The following SMOC1 variants were observed in gnomAD, a reference collection of about 807,000 sequenced individuals.
The protein encoded by SMOC1 is SPARC-related modular calcium-binding protein 1.
A neutral mutation model predicts 56.3 loss-of-function variants in SMOC1; 22 were observed. The ratio of observed to expected loss-of-function variants is 0.39; its 90% confidence interval spans 0.28 to 0.56. The LOEUF is 0.56. Among genes scored for constraint, SMOC1 ranks in the 20% least tolerant of loss-of-function variants. The pLI is 0.61. For synonymous variants in SMOC1, 193 were observed against 215.0 expected, an observed-to-expected ratio of 0.90 and a Z score of 0.89; for missense variants, 509 against 565.4, an observed-to-expected ratio of 0.90 and a Z score of 1.01.
chr14:69,959,230 GCATTGTATTT>G (rs531660508), intron 3 of SMOC1, among the ~76,000 whole-genome samples: 8 of 152,154 alleles, frequency 5.3e-5, no homozygotes, highest in Non-Finnish European at 1.2e-4. Flanking sequence ...AAAAATGTCT[GCATTGTATTT>G]CATTGTATGA....
rs554318128 is a variant in SMOC1 at position 70,030,439 on chromosome 14, C to T, written c.*181C>T. ...TTGTTTTTGGTTTCATTTTAAAACA[C>T]CAATATCTAATACCACAGTGGGAAA... On this transcript the variant is annotated 3_prime_UTR_variant, in exon 12 of 12. Coordinates refer to ENST00000361956, the MANE Select transcript of SMOC1 (RefSeq NM_001034852.3). 12 of 650,080 alleles carry T rather than the reference C, an allele frequency of 1.8e-5. No individual in the cohort carries two copies. In the South Asian group the frequency reaches 2.5e-4, roughly 13 times the overall value. The allele number at this position is 650,080 out of a possible 1,614,324, so 40.3% of individuals were successfully genotyped here.
At chr14:70,025,122 G>A (rs1885876463) in intron 11 of SMOC1, among the ~76,000 whole-genome samples, 1 of 152,192 alleles carries the variant, frequency 6.6e-6, no homozygotes, top group East Asian at 1.9e-4. Flanking sequence ...GGGTGCCCAA[G>A]TATGGTTTGG....
intron 3 of SMOC1, among the ~76,000 whole-genome samples, chr14:69,965,399 A>AATAATAATAATAATAATCATAATC (rs1212605422): frequency 6.6e-6 from 1 of 150,868 alleles, no homozygotes; most frequent in South Asian, 2.1e-4. Flanking sequence ...TAATAATAAT[A>AATAATAATAATAATAATCATAATC]ATAATAAAAA....
At chr14:70,014,165 T>C (rs906012440) in intron 10 of SMOC1, among the ~76,000 whole-genome samples, 33 of 152,146 alleles carry the variant, frequency 2.2e-4, no homozygotes, top group African/African-American at 8.0e-4. Flanking sequence ...CAGCAAACAC[T>C]GGGCTAAGGA....
At chr14:69,899,936 C>A (rs2139323447) in intron 1 of SMOC1, among the ~76,000 whole-genome samples, 1 of 152,250 alleles carries the variant, frequency 6.6e-6, no homozygotes, top group African/African-American at 2.4e-5. Context: ...ATTTTGGGGG[C>A]AGTGGTTTGC....
At chr14:70,002,551 A>T (rs1269423002) in intron 7 of SMOC1, among the ~76,000 whole-genome samples, 2 of 152,178 alleles carry the variant, frequency 1.3e-5, no homozygotes, top group Admixed American at 1.3e-4. Flanking sequence ...AGGGGCTCCC[A>T]GAGCCCCTGC....
At chr14:69,913,833 G>A (rs1248158767) in intron 1 of SMOC1, among the ~76,000 whole-genome samples, 2 of 152,192 alleles carry the variant, frequency 1.3e-5, no homozygotes, top group African/African-American at 2.4e-5. Flanking sequence ...AGAGTCCTAG[G>A]AATGACATGA....
At chr14:69,919,959 T>C (rs991776310) in intron 1 of SMOC1, among the ~76,000 whole-genome samples, 1 of 141,338 alleles carries the variant, frequency 7.1e-6, no homozygotes, top group Non-Finnish European at 1.5e-5. Context: ...GCACATACAT[T>C]GCATCTTAAC....
chr14:70,007,466 C>G (rs1480171081), intron 7 of SMOC1, among the ~76,000 whole-genome samples: 1 of 152,188 alleles, frequency 6.6e-6, no homozygotes. Context: ...GTGCTTAGGT[C>G]GAGAAGACAT....
Position 70,012,231 on chromosome 14 carries a change from G to A in SMOC1, c.940+664G>A, listed in dbSNP as rs1024178656. On this transcript the variant is annotated intron_variant, in intron 9 of 11. Transcript: ENST00000361956. ...GAGAACTGAAAGCAGAGAGTTCTAA[G>A]AGTCAGGGATTTTCCACACGAGGTT... 2.6e-5 allele frequency among the ~76,000 whole-genome samples: 4 copies of A among 152,226 alleles called. No homozygotes were observed. The South Asian group carries it at 6.2e-4, about 24-fold the overall frequency.
At chr14:69,930,583 G>A (rs1885141707) in intron 1 of SMOC1, among the ~76,000 whole-genome samples, 1 of 152,160 alleles carries the variant, frequency 6.6e-6, no homozygotes, top group Non-Finnish European at 1.5e-5. Flanking sequence ...TCACTGGGCT[G>A]GGGTTTTAGG....
chr14:69,928,961 G>A (rs1383805750), intron 1 of SMOC1, among the ~76,000 whole-genome samples: 1 of 152,286 alleles, frequency 6.6e-6, no homozygotes, highest in Middle Eastern at 3.4e-3. Flanking sequence ...TTCTGGAGAA[G>A]GAATGACCAT....
intron 1 of SMOC1, among the ~76,000 whole-genome samples, chr14:69,934,085 T>C (rs771898284): frequency 1.2e-4 from 19 of 152,158 alleles, no homozygotes; most frequent in Non-Finnish European, 2.4e-4. Flanking sequence ...AAACTGAGGC[T>C]CATAGAGGTA....
intron 7 of SMOC1, among the ~76,000 whole-genome samples, chr14:70,009,285 G>A (rs1162440459): frequency 2.0e-5 from 3 of 152,086 alleles, no homozygotes; most frequent in African/African-American, 7.2e-5. Flanking sequence ...TATTGTTTTC[G>A]AGCATTTTCC....
At chr14:69,997,498 G>T (rs182310540) in intron 7 of SMOC1, among the ~76,000 whole-genome samples, 1 of 152,226 alleles carries the variant, frequency 6.6e-6, no homozygotes, top group Admixed American at 6.5e-5. Context: ...GCTTGGGAAA[G>T]TTAATTAACT....
At chr14:69,897,439 T>C (rs1264723576) in intron 1 of SMOC1, among the ~76,000 whole-genome samples, 1 of 152,230 alleles carries the variant, frequency 6.6e-6, no homozygotes, top group African/African-American at 2.4e-5. Context: ...TATTTGCTAC[T>C]GTTTTCTACT....
At chr14:70,008,740 G>A (rs1885230035) in intron 7 of SMOC1, among the ~76,000 whole-genome samples, 1 of 152,212 alleles carries the variant, frequency 6.6e-6, no homozygotes. Context: ...TCTGTCAGAG[G>A]TTGTTACATG....
At chr14:69,975,956 A>G in intron 4 of SMOC1, 142 bp downstream of exon 4, 2 of 687,630 alleles carry the variant, frequency 2.9e-6, no homozygotes, top group African/African-American at 1.8e-5. Context: ...CTACTCTAAC[A>G]TGCTTGCTCG....
At chr14:70,013,294 C>A in intron 9 of SMOC1, 92 bp from the exon 10 acceptor site, 3 of 1,150,068 alleles carry the variant, frequency 2.6e-6, no homozygotes, top group Non-Finnish European at 3.9e-6. Flanking sequence ...ACAAGAAGGG[C>A]TTTGAGAAGT....
Sources: gnomAD v4.1 joint callset for allele counts (sites outside exome capture counted in the v4.1 genomes callset) on GRCh38, gnomAD v4.1.1 for gene constraint, MANE v1.5 for transcripts, NCBI Gene and HGNC (gene_info 2026-07-23, HGNC 2026-07-21) for gene names.